SKIC3: variants seen among roughly 807,000 people sequenced by gnomAD.
SKIC3 encodes SKI3 subunit of superkiller complex.
chr5:95,504,997 C>T, the SKIC3 span, among the ~76,000 whole-genome samples: 1 of 151,392 alleles, frequency 6.6e-6, no homozygotes, highest in South Asian at 2.1e-4. Context: ...AAGAGAGAAA[C>T]TCCATCTTAA....
the SKIC3 span, chr5:95,530,126 G>A: frequency 1.2e-6 from 2 of 1,613,406 alleles, no homozygotes; most frequent in Non-Finnish European, 1.7e-6. Context: ...CATACTTTTT[G>A]TCTTGTAATG....
the SKIC3 span, among the ~76,000 whole-genome samples, chr5:95,531,096 T>C: frequency 6.6e-6 from 1 of 152,038 alleles, no homozygotes; most frequent in Non-Finnish European, 1.5e-5. Flanking sequence ...CTTTAATAAC[T>C]ATATAAAACA....
chr5:95,521,067 T>C, the SKIC3 span, among the ~76,000 whole-genome samples: 6 of 152,068 alleles, frequency 3.9e-5, no homozygotes, highest in African/African-American at 1.4e-4. Context: ...AAGAATTTCC[T>C]TGACTTTGGG....
At chr5:95,503,992 T>G in the SKIC3 span, 1 of 1,570,678 alleles carries the variant, frequency 6.4e-7, no homozygotes. Flanking sequence ...CTGGTGTGTA[T>G]CATCAAAATA....
chr5:95,523,797 C>A, the SKIC3 span: 12 of 1,613,338 alleles, frequency 7.4e-6, no homozygotes, highest in Non-Finnish European at 1.0e-5. Flanking sequence ...ACCTAAATAG[C>A]AGAAAACTTT....
chr5:95,481,125 A>G, the SKIC3 span, among the ~76,000 whole-genome samples: 2 of 152,150 alleles, frequency 1.3e-5, no homozygotes, highest in Non-Finnish European at 2.9e-5. Flanking sequence ...AATATAAAAG[A>G]AAACACACAC....
At chr5:95,482,381 C>T in the SKIC3 span, 1 of 1,342,280 alleles carries the variant, frequency 7.5e-7, no homozygotes, top group South Asian at 1.2e-5. Context: ...AGAGTGACAG[C>T]AAGCCAAATA....
chr5:95,550,774 T>C, the SKIC3 span: 1 of 152,486 alleles, frequency 6.6e-6, no homozygotes, highest in African/African-American at 2.4e-5. Flanking sequence ...TGAGAAATAA[T>C]TATGTATAAT....
At chr5:95,524,326 C>G in the SKIC3 span, 1 of 1,262,756 alleles carries the variant, frequency 7.9e-7, no homozygotes, top group Non-Finnish European at 1.1e-6. Flanking sequence ...CATATAACAC[C>G]ATCACAAAAC....
chr5:95,521,779 T>C, the SKIC3 span, among the ~76,000 whole-genome samples: 448 of 152,202 alleles, frequency 2.9e-3, 4 homozygotes, highest in Non-Finnish European at 4.4e-3. Flanking sequence ...TAGGGAAACA[T>C]GTTTTAGAGA....
At chr5:95,522,337 A>G in the SKIC3 span, 4 of 1,610,016 alleles carry the variant, frequency 2.5e-6, no homozygotes, top group Non-Finnish European at 3.4e-6. Flanking sequence ...AAGAGAACTA[A>G]AAGTATGGAA....
the SKIC3 span, among the ~76,000 whole-genome samples, chr5:95,521,202 TG>T: frequency 1.3e-5 from 2 of 152,064 alleles, no homozygotes; most frequent in African/African-American, 4.8e-5. Flanking sequence ...TATTAAAATC[TG>T]TATAGCAAGC....
At chr5:95,537,028 A>T in the SKIC3 span, 1 of 1,611,552 alleles carries the variant, frequency 6.2e-7, no homozygotes. Flanking sequence ...TTAGAGATTT[A>T]AAAAATCAAC....
chr5:95,519,218 A>C, the SKIC3 span, among the ~76,000 whole-genome samples: 1 of 152,074 alleles, frequency 6.6e-6, no homozygotes, highest in Non-Finnish European at 1.5e-5. Flanking sequence ...TTCCTTTTAG[A>C]ATGAGAAAAA....
the SKIC3 span, chr5:95,529,313 C>T: frequency 9.9e-5 from 60 of 606,510 alleles, 1 homozygote; most frequent in South Asian, 9.7e-4. Context: ...CATCTTTATC[C>T]CAAATCACTA....
chr5:95,468,242 T>G, the SKIC3 span, among the ~76,000 whole-genome samples: 8 of 152,164 alleles, frequency 5.3e-5, no homozygotes, highest in African/African-American at 1.4e-4. Context: ...AGGTAGGTAG[T>G]TATTATTCCT....
chr5:95,539,475 G>A, the SKIC3 span, among the ~76,000 whole-genome samples: 1 of 152,076 alleles, frequency 6.6e-6, no homozygotes, highest in Non-Finnish European at 1.5e-5. Flanking sequence ...TGGTAAAAAG[G>A]AAACACTTCT....
At chr5:95,476,962 T>A in the SKIC3 span, among the ~76,000 whole-genome samples, 5 of 152,214 alleles carry the variant, frequency 3.3e-5, no homozygotes, top group Non-Finnish European at 7.4e-5. Context: ...ATTAATTTGT[T>A]CTATTCCAGG....
chr5:95,536,258 G>A, the SKIC3 span, among the ~76,000 whole-genome samples: 1 of 152,096 alleles, frequency 6.6e-6, no homozygotes, highest in Non-Finnish European at 1.5e-5. Flanking sequence ...GGAGATTCAG[G>A]AATTTAATTA....
Sources: allele counts gnomAD v4.1 joint callset (sites outside exome capture counted in the v4.1 genomes callset), GRCh38; gene constraint gnomAD v4.1.1; transcripts MANE v1.5; gene names NCBI Gene and HGNC (gene_info 2026-07-23, HGNC 2026-07-21).